Variants in ABHD4 observed in about 807,000 individuals in gnomAD.
ABHD4 encodes (Lyso)-N-acylphosphatidylethanolamine lipase.
A neutral mutation model predicts 42.3 loss-of-function variants in ABHD4; 35 were observed. The observed-to-expected ratio is 0.83, with a 90% confidence interval of 0.63 to 1.10. The LOEUF (loss-of-function observed/expected upper bound fraction) is 1.10. Ranked by LOEUF, ABHD4 falls within the 50% of genes least tolerant of loss-of-function variation. The probability of loss-of-function intolerance (pLI) is 0.00; values close to 1 mark genes in which losing one functional copy is unlikely to be tolerated. For missense variants in ABHD4, 389 were observed against 454.8 expected, an observed-to-expected ratio of 0.86 and a Z score of 1.32; for synonymous variants, 169 against 170.6, an observed-to-expected ratio of 0.99 and a Z score of 0.07.
intron 1 of ABHD4, chr14:22,600,166 A>G (rs969918643): frequency 6.6e-6 from 3 of 456,030 alleles, no homozygotes; most frequent in South Asian, 4.6e-5. Context: ...CAGAAAAGCT[A>G]AATAATGTGC....
chr14:22,603,443 A>G lies in ABHD4; in HGVS notation c.166A>G (p.Ile56Val), dbSNP rs780425710. The G allele has an allele frequency of 3.7e-6, 6 of 1,614,140 alleles. No individual in the cohort carries two copies. Among genetic ancestry groups the G allele is most frequent in the Non-Finnish European group, 5.1e-6 (6 of 1,180,012 alleles). ...RYVSLPNQNK[I>V]WTVTVSPEQN... ...TGTATCCCTCCCAAACCAGAATAAG[A>G]TCTGGACGGTGACTGTGAGCCCCGA... The change falls in exon 3 of 7, where the codon ATC becomes GTC. Residue 56 changes from isoleucine (I) to valine (V), a missense_variant. Physicochemically the swap from Ile to Val is conservative, Grantham distance 29 (BLOSUM62 3). This residue lies in a region of ABHD4 where 102 missense variants were observed against 128.3 expected (regional missense o/e 0.80). Transcript: ENST00000428304.
chr14:22,599,094 G>C (rs2037252313), intron 1 of ABHD4: 1 of 152,316 alleles, frequency 6.6e-6, no homozygotes, highest in Non-Finnish European at 1.5e-5. Flanking sequence ...CCAGAACTGG[G>C]CCTTTCCTGG....
Position 22,603,561 on chromosome 14 carries a change from G to T in ABHD4, c.284G>T (p.Arg95Leu). 1 of 1,614,140 alleles carries T rather than the reference G, an allele frequency of 6.2e-7. No homozygotes were observed. Among genetic ancestry groups the T allele is most frequent in the Non-Finnish European group, 8.5e-7 (1 of 1,180,030 alleles). The change falls in exon 3 of 7, where the codon CGC becomes CTC. Residue 95 changes from arginine to leucine, a missense_variant. By Grantham distance (102) the Arg-to-Leu change is moderately radical. Coordinates refer to ENST00000428304, the MANE Select transcript of ABHD4 (RefSeq NM_022060.3). ...ILNMDSLSAR[R>L]TLHTFDLLGF... ...AACATGGACTCACTGAGTGCCCGCCGCACACTGCACACCTTCGATCTGCTT... is the reference window on the plus strand; with the variant it reads ...AACATGGACTCACTGAGTGCCCGCCTCACACTGCACACCTTCGATCTGCTT...
Position 22,603,520 on chromosome 14 carries a change from G to T in ABHD4, c.243G>T (p.Val81=). 1 of 1,614,132 alleles carries T rather than the reference G, an allele frequency of 6.2e-7. No individual in the cohort carries two copies. Among genetic ancestry groups the T allele is most frequent in the South Asian group, 1.1e-5 (1 of 91,072 alleles). ...LVMVHGFGGG[V]GLWILNMDSL... is the part of the protein sequence containing the mutation. ...TGGTGCATGGTTTTGGGGGCGGCGT[G>T]GGTCTCTGGATCCTCAACATGGACT... The change falls in exon 3 of 7, where the codon GTG becomes GTT. Residue 81 remains valine (V), a synonymous_variant. Coordinates refer to ENST00000428304, the MANE Select transcript of ABHD4 (RefSeq NM_022060.3).
At chr14:22,598,442 G>A in intron 1 of ABHD4, 113 bp downstream of exon 1, 1 of 1,540,702 alleles carries the variant, frequency 6.5e-7, no homozygotes, top group Non-Finnish European at 8.8e-7. Context: ...TCCTTTTCCA[G>A]GTCGGCCTCC....
In ABHD4 at chr14:22,611,122, A is replaced by T; in HGVS notation, c.*174A>T. The T allele has an allele frequency of 1.6e-6, 1 of 618,776 alleles. No homozygotes were observed. Among genetic ancestry groups the T allele is most frequent in the Admixed American group, 2.6e-5 (1 of 38,146 alleles). The allele number at this position is 618,776 out of a possible 1,614,324, so 38.3% of individuals were successfully genotyped here. On this transcript the variant is annotated 3_prime_UTR_variant, in exon 7 of 7. Transcript: ENST00000428304. ...AAGAACACTCTTGACCCTACACTGAAGGCTGAAGGCAGAAGCCACAAGAGG... is the reference window on the plus strand; with the variant it reads ...AAGAACACTCTTGACCCTACACTGATGGCTGAAGGCAGAAGCCACAAGAGG...
At chr14:22,600,125 C>A (rs1178534155) in intron 1 of ABHD4, 2 of 454,922 alleles carry the variant, frequency 4.4e-6, no homozygotes, top group Non-Finnish European at 8.8e-6. Flanking sequence ...GATATTATTA[C>A]CTCCCTTTTA....
intron 1 of ABHD4, among the ~76,000 whole-genome samples, chr14:22,600,914 A>G (rs1174616153): frequency 6.7e-6 from 1 of 149,936 alleles, no homozygotes; most frequent in Non-Finnish European, 1.5e-5. Context: ...CTACCTTGCA[A>G]TGACTTAAGG....
intron 5 of ABHD4, among the ~76,000 whole-genome samples, chr14:22,608,971 A>G (rs2037379424): frequency 6.6e-6 from 1 of 150,944 alleles, no homozygotes; most frequent in African/African-American, 2.4e-5. Context: ...AAGTGCTGGG[A>G]TTATAGGCAT....
At chr14:22,603,796 A>C (rs1279865680) in intron 3 of ABHD4, 34 bp downstream of exon 3, 1 of 1,565,472 alleles carries the variant, frequency 6.4e-7, no homozygotes, top group African/African-American at 1.4e-5. Context: ...CTCGTGACCT[A>C]ATTCCTGGCC....
At chr14:22,604,215 C>T (rs1402099631) in intron 4 of ABHD4, 136 bp downstream of exon 4, 2 of 1,047,374 alleles carry the variant, frequency 1.9e-6, no homozygotes, top group East Asian at 2.5e-5. Context: ...AACCAGATCA[C>T]TTTGTTCAAG....
Position 22,603,518 on chromosome 14 carries a change from G to A in ABHD4, c.241G>A (p.Val81Met), listed in dbSNP as rs772802303. ...LVMVHGFGGG[V>M]GLWILNMDSL... ...GATGGTGCATGGTTTTGGGGGCGGC[G>A]TGGGTCTCTGGATCCTCAACATGGA... Residue 81 changes from valine to methionine, a missense_variant, in exon 3 of 7, where the codon GTG becomes ATG. Physicochemically the swap from Val to Met is conservative, Grantham distance 21 (BLOSUM62 1). Transcript: ENST00000428304. The A allele has an allele frequency of 1.3e-5, 21 of 1,614,158 alleles. No individual in the cohort carries two copies. In the East Asian group the frequency reaches 3.3e-4, roughly 26 times the overall value.
intron 4 of ABHD4, among the ~76,000 whole-genome samples, chr14:22,604,802 G>T (rs916307478): frequency 2.6e-5 from 4 of 151,820 alleles, no homozygotes; most frequent in Non-Finnish European, 5.9e-5. Context: ...TAGAGACGGG[G>T]TTTCACCATG....
At chr14:22,610,359 T>G (rs977934110) in intron 6 of ABHD4, among the ~76,000 whole-genome samples, 1 of 152,170 alleles carries the variant, frequency 6.6e-6, no homozygotes, top group African/African-American at 2.4e-5. Flanking sequence ...GCTTCCTGCT[T>G]TTAGCCCAGT....
rs1189560341 is a variant in ABHD4, at chr14:22,603,702, T to G, written c.425T>G (p.Leu142Arg). ...ACCATGGGGATCCCCAGCATGATCC[T>G]CCTGGGGCACAGTTTGGGAGGATTC... ...RETMGIPSMI[L>R]LGHSLGGFLA... Residue 142 changes from leucine to arginine, a missense_variant, in exon 3 of 7, where the codon CTC (leucine) becomes CGC (arginine). Leu to Arg is a moderately radical substitution (Grantham distance 102). This residue lies in a region of ABHD4 where 38 missense variants were observed against 72.1 expected (regional missense o/e 0.53). Transcript: ENST00000428304. The G allele has an allele frequency of 1.9e-6, 3 of 1,608,470 alleles. No homozygotes were observed. In the African/African-American group the frequency reaches 4.0e-5, roughly 21 times the overall value.
chr14:22,603,972 C>T lies in ABHD4; in HGVS notation c.533C>T (p.Pro178Leu), dbSNP rs146399735. ...LVDPWGFPLR[P>L]TNPSEIRAPP... ...GACCCATGGGGCTTTCCCCTCCGAC[C>T]AACTAACCCCAGTGAGATCCGTGCA... Residue 178 changes from proline to leucine, a missense_variant, in exon 4 of 7, where the codon CCA becomes CTA. By Grantham distance (98) the Pro-to-Leu change is moderately conservative. Around this residue, in one of 3 missense-constraint regions of ABHD4, gnomAD observed 249 missense variants for 254.4 expected, o/e 0.98. Coordinates refer to ENST00000428304, the MANE Select transcript of ABHD4 (RefSeq NM_022060.3). The T allele has an allele frequency of 4.0e-5, 64 of 1,614,092 alleles. No homozygotes were observed. The highest frequency in any genetic ancestry group is 1.6e-4 in the Middle Eastern group (1 of 6,084).
chr14:22,610,551 T>C (rs531855372), intron 6 of ABHD4, among the ~76,000 whole-genome samples: 1 of 152,118 alleles, frequency 6.6e-6, no homozygotes, highest in East Asian at 1.9e-4. Context: ...TGCCAATGAG[T>C]GTGCTTAATG....
At position 22,601,472 on chromosome 14, in the gene ABHD4, T is replaced by A. The variant is rs549170734; in HGVS notation, c.24-195T>A. ...AATATCTATTGAAACAAGGGGCATG[T>A]TGTTAATACCCATTTACCAAAAAGA... On this transcript the variant is annotated intron_variant, in intron 1 of 6. Coordinates refer to ENST00000428304, the MANE Select transcript of ABHD4 (RefSeq NM_022060.3). Among the ~76,000 whole-genome samples the A allele has an allele frequency of 1.2e-3, 189 of 152,280 alleles. No individual in the cohort carries two copies. In the Middle Eastern group the frequency reaches 0.034, roughly 27 times the overall value.
rs2225215 is a variant in ABHD4 at position 22,600,791 on chromosome 14, G to T, written c.24-876G>T. 3.2e-3 allele frequency among the ~76,000 whole-genome samples: 480 copies of T among 151,340 alleles called. 4 individuals carry two copies. Among genetic ancestry groups the T allele is most frequent in the African/African-American group, 0.011 (452 of 41,164 alleles). On this transcript the variant is annotated intron_variant, in intron 1 of 6. Coordinates refer to ENST00000428304, the MANE Select transcript of ABHD4 (RefSeq NM_022060.3). ...TTATTTAATGGGCCAAAACCATTCT[G>T]CTCATCAATGATAACACTATGATTC...
Sources: allele counts gnomAD v4.1 joint callset (sites outside exome capture counted in the v4.1 genomes callset), GRCh38; gene constraint gnomAD v4.1.1; regional missense constraint gnomAD v4.1.1; transcripts MANE v1.5; gene names NCBI Gene and HGNC (gene_info 2026-07-23, HGNC 2026-07-21).